Variants in ADSS1 observed in about 807,000 individuals in gnomAD.
The protein encoded by ADSS1 is adenylosuccinate synthase 1, also known as adenylosuccinate synthetase isozyme 1.
A neutral mutation model predicts 59.1 loss-of-function variants in ADSS1; 57 were observed. The observed-to-expected ratio is 0.97, with a 90% CI of 0.78 to 1.20. The LOEUF is 1.20. ADSS1 is among the 50% of genes most tolerant of loss of function. The pLI is 0.00. For missense variants in ADSS1, 603 were observed against 610.3 expected, an observed-to-expected ratio of 0.99 and a Z score of 0.13; for synonymous variants, 247 against 249.4, an observed-to-expected ratio of 0.99 and a Z score of 0.09.
intron 3 of ADSS1, 111 bp downstream of exon 3, chr14:104,738,549 G>T: frequency 2.4e-6 from 3 of 1,252,422 alleles, no homozygotes; most frequent in African/African-American, 1.5e-5. Context: ...GCAGGGGTGG[G>T]TTCCCAACAT....
chr14:104,744,640 C>T (rs1891490485), intron 10 of ADSS1, 172 bp from the exon 11 acceptor site: 2 of 603,990 alleles, frequency 3.3e-6, no homozygotes, highest in South Asian at 2.0e-5. Flanking sequence ...GCCCGCCACT[C>T]ATCTGCTCTG....
At chr14:104,744,705 G>A in intron 10 of ADSS1, 107 bp from the exon 11 acceptor site, 1 of 1,049,418 alleles carries the variant, frequency 9.5e-7, no homozygotes, top group Non-Finnish European at 1.4e-6. Flanking sequence ...CCAGGGACTG[G>A]GGACCCCTGC....
chr14:104,730,097 A>G (rs1302992143), intron 1 of ADSS1: 1 of 1,552,236 alleles, frequency 6.4e-7, no homozygotes, highest in South Asian at 1.2e-5. Context: ...AGGCCCAACT[A>G]GGGTGACGCT....
At chr14:104,726,756 C>T (rs1890728833) in intron 1 of ADSS1, among the ~76,000 whole-genome samples, 1 of 152,232 alleles carries the variant, frequency 6.6e-6, no homozygotes, top group South Asian at 2.1e-4. Flanking sequence ...GAGCGAGGGC[C>T]GAGTGGTCCA....
At chr14:104,730,697 G>A (rs968520391) in intron 1 of ADSS1, among the ~76,000 whole-genome samples, 3 of 152,098 alleles carry the variant, frequency 2.0e-5, no homozygotes, top group South Asian at 4.2e-4. Flanking sequence ...GTGAGGGTGC[G>A]CACAGCCTCC....
intron 1 of ADSS1, among the ~76,000 whole-genome samples, chr14:104,728,141 T>C (rs958407236): frequency 2.6e-5 from 4 of 152,208 alleles, no homozygotes; most frequent in Admixed American, 2.6e-4. Context: ...GCTGTGGCTG[T>C]TGGGGCTCTG....
Position 104,740,604 on chromosome 14 carries a change from A to G in ADSS1, c.480A>G (p.Ile160Met). Residue 160 changes from isoleucine to methionine, a missense_variant, in exon 6 of 13, where the codon ATA becomes ATG. By Grantham distance (10) the Ile-to-Met change is conservative (BLOSUM62 1). Coordinates refer to ENST00000330877, the MANE Select transcript of ADSS1 (RefSeq NM_152328.5). This position sits in a 1 kb window ranked among gnomAD's most constrained non-coding sequence, Gnocchi z 4.8. ...GTACCCACTCCCCATCTTTCAGTAT[A>G]GGCACCACCAAGAAGGGAATCGGAC... ...VQRQAQEGKN[I>M]GTTKKGIGPT... 16 of 1,613,328 alleles carry G rather than the reference A, an allele frequency of 9.9e-6. No homozygotes were observed. Among genetic ancestry groups the G allele is most frequent in the Non-Finnish European group, 1.4e-5 (16 of 1,179,862 alleles).
chr14:104,733,110 G>A (rs1290278843), intron 1 of ADSS1, among the ~76,000 whole-genome samples: 1 of 151,990 alleles, frequency 6.6e-6, no homozygotes, highest in Non-Finnish European at 1.5e-5. Context: ...GCGCCTGGCA[G>A]CATTAGCTCC....
At position 104,740,488 on chromosome 14, in the gene ADSS1, G is replaced by T; in HGVS notation, c.477-113G>T. 1.1e-6 allele frequency: 1 copy of T among 879,258 alleles called. No individual in the cohort carries two copies. The highest frequency in any genetic ancestry group is 1.8e-6 in the Non-Finnish European group (1 of 551,566). The allele number at this position is 879,258 out of a possible 1,614,324, so 54.5% of individuals were successfully genotyped here. A position where few individuals can be genotyped will look rare whatever the true frequency, so the allele number is the denominator to read the frequency against. The stretch of plus-strand genomic sequence containing the variant: ...ACACTCACAGCTCAGCCAGACACAG[G>T]CAGCAATGGTGGGCACTGGAGTCAT... On this transcript the variant is annotated intron_variant, in intron 5 of 12. Coordinates refer to ENST00000330877, the MANE Select transcript of ADSS1 (RefSeq NM_152328.5). This position sits in a 1 kb window ranked among gnomAD's most constrained non-coding sequence, Gnocchi z 4.8.
chr14:104,736,070 G>A (rs1180784277), intron 2 of ADSS1, among the ~76,000 whole-genome samples: 1 of 152,208 alleles, frequency 6.6e-6, no homozygotes, highest in Non-Finnish European at 1.5e-5. Flanking sequence ...GAGGAAGATA[G>A]CGCGGAGGTG....
At chr14:104,743,026 C>T in intron 9 of ADSS1, 41 bp from the exon 10 acceptor site, 1 of 1,610,084 alleles carries the variant, frequency 6.2e-7, no homozygotes, top group Non-Finnish European at 8.5e-7. Context: ...GCACAAGGCT[C>T]CCACGACAGC....
In ADSS1 at chr14:104,740,812, G is replaced by C. The variant is rs1026445085; in HGVS notation, c.585-27G>C. The C allele has an allele frequency of 1.2e-6, 2 of 1,613,522 alleles. No homozygotes were observed. The highest frequency in any genetic ancestry group is 1.7e-6 in the Non-Finnish European group (2 of 1,179,794). ...GAGGACCAGCATGGACCATGACAGGGGGTGATGATGACTGTCCCTTGTGCA... is the reference window on the plus strand; with the variant it reads ...GAGGACCAGCATGGACCATGACAGGCGGTGATGATGACTGTCCCTTGTGCA... On this transcript the variant is annotated intron_variant, in intron 6 of 12. Transcript: ENST00000330877. The surrounding 1 kb of genome is among the most constrained non-coding windows in gnomAD (Gnocchi z 4.8).
intron 8 of ADSS1, 63 bp downstream of exon 8, chr14:104,741,306 G>A (rs1306736557): frequency 3.0e-5 from 45 of 1,507,040 alleles, no homozygotes; most frequent in South Asian, 8.2e-5. Flanking sequence ...ACCCAGCTGC[G>A]GAGAGCCGTG....
At chr14:104,726,453 T>C (rs538409239) in intron 1 of ADSS1, among the ~76,000 whole-genome samples, 2 of 152,288 alleles carry the variant, frequency 1.3e-5, no homozygotes, top group African/African-American at 2.4e-5. Context: ...CCAGGCTCTC[T>C]GCAAGTGCTC....
rs930838323 is a variant in ADSS1, at chr14:104,724,234, C to T, written c.-37C>T. 2.0e-5 allele frequency: 25 copies of T among 1,221,756 alleles called. No individual in the cohort carries two copies. Among genetic ancestry groups the T allele is most frequent in the Non-Finnish European group, 2.5e-5 (25 of 980,984 alleles). The allele number at this position is 1,221,756 out of a possible 1,614,324, so 75.7% of individuals were successfully genotyped here. On this transcript the variant is annotated 5_prime_UTR_variant, in exon 1 of 13. Transcript: ENST00000330877. ...GCGCGGACGCCGGCGGCGGCGGGCT[C>T]CTGGCCGGGCCAGCGCAGCGGAAGA...
intron 1 of ADSS1, among the ~76,000 whole-genome samples, chr14:104,728,913 G>A (rs950003073): frequency 6.6e-6 from 1 of 152,204 alleles, no homozygotes; most frequent in African/African-American, 2.4e-5. Context: ...CCAGGAGGTG[G>A]TATAGCATGG....
intron 11 of ADSS1, 136 bp from the exon 12 acceptor site, chr14:104,746,099 GC>G: frequency 1.7e-6 from 2 of 1,146,650 alleles, no homozygotes; most frequent in Non-Finnish European, 2.4e-6. Flanking sequence ...TGGGCCACGT[GC>G]CCACTTGCTG....
At position 104,731,339 on chromosome 14, in the gene ADSS1, G is replaced by A. The variant is rs368261821; in HGVS notation, c.193-3681G>A. ...GCCATCATTCATGCCATGGCTCTGT[G>A]ACAGCACCCCCTAGAGTTGTGCAGT... On this transcript the variant is annotated intron_variant, in intron 1 of 12. Coordinates refer to ENST00000330877, the MANE Select transcript of ADSS1 (RefSeq NM_152328.5). 1.9e-4 allele frequency among the ~76,000 whole-genome samples: 29 copies of A among 152,334 alleles called. 1 individual carries two copies. In the South Asian group the frequency reaches 5.8e-3, roughly 30 times the overall value.
intron 1 of ADSS1, among the ~76,000 whole-genome samples, chr14:104,732,979 G>A (rs983194481): frequency 6.6e-6 from 1 of 152,272 alleles, no homozygotes; most frequent in East Asian, 1.9e-4. Flanking sequence ...GCCCCGTCCC[G>A]ATGGACTGAA....
Sources: allele counts gnomAD v4.1 joint callset (sites outside exome capture counted in the v4.1 genomes callset), GRCh38; gene constraint gnomAD v4.1.1; non-coding constraint Gnocchi (gnomAD v3.1); transcripts MANE v1.5; gene names NCBI Gene and HGNC (gene_info 2026-07-23, HGNC 2026-07-21).